BRCA2: variants seen among roughly 807,000 people sequenced by gnomAD.
BRCA2 encodes the protein breast cancer type 2 susceptibility protein.
BRCA2 carries 203 observed loss-of-function variants against 276.7 expected under a neutral mutation model. The ratio of observed to expected loss-of-function variants is 0.73; its 90% CI spans 0.65 to 0.82. The LOEUF (loss-of-function observed/expected upper bound fraction) is 0.82, where lower values mean the gene tolerates loss of function less well. BRCA2 is among the 40% of genes least tolerant of loss of function. The pLI, the probability that BRCA2 is intolerant of heterozygous loss-of-function variation, is 0.00. For missense variants in BRCA2, 3,920 were observed against 3,915.0 expected, an observed-to-expected ratio of 1.00 and a Z score of -0.03; for synonymous variants, 1,289 against 1,338.4, an observed-to-expected ratio of 0.96 and a Z score of 0.81.
Position 32,338,979 on chromosome 13 carries a change from G to A in BRCA2, c.4624G>A (p.Val1542Met), listed in dbSNP as rs28897729. ...AATTGCAAAGGAATCTTTGGACAAAGTGAAAAACCTTTTTGATGAAAAAGA... is the reference window on the plus strand; with the variant it reads ...AATTGCAAAGGAATCTTTGGACAAAATGAAAAACCTTTTTGATGAAAAAGA... ...VKIAKESLDK[V>M]KNLFDEKEQG... Residue 1542 changes from valine to methionine, a missense_variant, in exon 11 of 27, where the codon GTG (valine) becomes ATG (methionine). Val to Met is a conservative substitution (Grantham distance 21, BLOSUM62 1). This residue lies in a region of BRCA2 where 3,263 missense variants were observed against 3,156.9 expected (regional missense o/e 1.03). Transcript: ENST00000380152. The A allele has an allele frequency of 3.7e-6, 6 of 1,613,552 alleles. No homozygotes were observed. Among genetic ancestry groups the A allele is most frequent in the African/African-American group, 2.7e-5 (2 of 74,938 alleles).
At chr13:32,324,012 C>A (rs1042497582) in intron 3 of BRCA2, among the ~76,000 whole-genome samples, 3 of 152,190 alleles carry the variant, frequency 2.0e-5, no homozygotes, top group African/African-American at 2.4e-5. Flanking sequence ...TTACTGTCTG[C>A]AACTCACTTT....
In BRCA2 at chr13:32,340,037, C is replaced by T. The variant is rs41293497; in HGVS notation, c.5682C>T (p.Tyr1894=). 8.1e-6 allele frequency: 13 copies of T among 1,613,256 alleles called. No homozygotes were observed. The highest frequency in any genetic ancestry group is 6.6e-5 in the South Asian group (6 of 90,984). Residue 1894 remains tyrosine (Y), a synonymous_variant, in exon 11 of 27, where the codon TAC becomes TAT. Transcript: ENST00000380152. ...AAACGAAAATTATGGCAGGTTGTTA[C>T]GAGGCATTGGATGATTCAGAGGATA... is the stretch of plus-strand genomic sequence containing the variant. ...ICQTKIMAGC[Y]EALDDSEDIL... is the part of the protein sequence containing the mutation.
intron 13 of BRCA2, among the ~76,000 whole-genome samples, chr13:32,347,699 C>G (rs181513516): frequency 1.3e-5 from 2 of 152,244 alleles, no homozygotes; most frequent in East Asian, 3.9e-4. Flanking sequence ...ACACTTGGTT[C>G]CCAAATGCAG....
rs80358822 is a variant in BRCA2, at chr13:32,340,251, C to T, written c.5896C>T (p.His1966Tyr). The change falls in exon 11 of 27, where the codon CAT becomes TAT. Residue 1966 changes from histidine (H) to tyrosine (Y), a missense_variant. This residue lies in a region of BRCA2 where 3,263 missense variants were observed against 3,156.9 expected (regional missense o/e 1.03). Coordinates refer to ENST00000380152, the MANE Select transcript of BRCA2 (RefSeq NM_000059.4). ...ATGTAAATGTAGTATAGGGAAGCTT[C>T]ATAAGTCAGTCTCATCTGCAAATAC... The part of the protein sequence containing the change: ...DICKCSIGKL[H>Y]KSVSSANTCG... The T allele has an allele frequency of 4.6e-5, 74 of 1,613,906 alleles. No individual in the cohort carries two copies. The highest frequency in any genetic ancestry group is 6.1e-5 in the Non-Finnish European group (72 of 1,179,950).
At position 32,356,415 on chromosome 13, in the gene BRCA2, T is replaced by G. The variant is rs1593919404; in HGVS notation, c.7436-13T>G. The G allele has an allele frequency of 4.3e-6, 7 of 1,609,758 alleles. No homozygotes were observed. The highest frequency in any genetic ancestry group is 6.0e-6 in the Non-Finnish European group (7 of 1,176,036). On this transcript the variant is annotated splice_polypyrimidine_tract_variant and intron_variant, in intron 14 of 26. Coordinates refer to ENST00000380152, the MANE Select transcript of BRCA2 (RefSeq NM_000059.4). ...TTCAATTTTATTTTTGCTAAGTATT[T>G]ATTCTTTGATAGATTTAATTACAAG...
At chr13:32,393,432 G>A (rs1187187164) in intron 24 of BRCA2, among the ~76,000 whole-genome samples, 1 of 151,770 alleles carries the variant, frequency 6.6e-6, no homozygotes, top group African/African-American at 2.4e-5. Flanking sequence ...TATTCTGCAG[G>A]TTAAAATTTG....
chr13:32,332,777 C>A lies in BRCA2; in HGVS notation c.1299C>A (p.Asn433Lys), dbSNP rs548313038. ...ISEKDLLDTE[N>K]KRKKDFLTSE... ...AAAAAGACCTATTAGACACAGAGAA[C>A]AAAAGAAAGAAAGATTTTCTTACTT... Residue 433 changes from asparagine to lysine, a missense_variant, in exon 10 of 27, where the codon AAC becomes AAA. Around this residue, in one of 2 missense-constraint regions of BRCA2, gnomAD observed 3,263 missense variants for 3,156.9 expected, o/e 1.03. Transcript: ENST00000380152. The A allele has an allele frequency of 1.2e-6, 2 of 1,607,668 alleles. No individual in the cohort carries two copies. The highest frequency in any genetic ancestry group is 1.1e-5 in the South Asian group (1 of 89,448).
chr13:32,394,115 A>C (rs1593199281), intron 24 of BRCA2, among the ~76,000 whole-genome samples: 1 of 152,276 alleles, frequency 6.6e-6, no homozygotes, highest in East Asian at 1.9e-4. Flanking sequence ...AGTTCATAGA[A>C]ATCGTCCTCA....
chr13:32,363,217 TAA>T lies in BRCA2; in HGVS notation c.8020_8021del (p.Lys2674AspfsTer6), dbSNP rs397507952. ...ATTGATAGAAGCAGAAGATCGGCTA[TAA>T]AAAAGATAATGGAAAGGGATGACAC... On this transcript the variant is annotated frameshift_variant, in exon 18 of 27. Coordinates refer to ENST00000380152, the MANE Select transcript of BRCA2 (RefSeq NM_000059.4). LOFTEE classifies it high-confidence loss of function. 1 of 1,613,942 alleles carries T rather than the reference TAA, an allele frequency of 6.2e-7. No homozygotes were observed. Among genetic ancestry groups the T allele is most frequent in the Non-Finnish European group, 8.5e-7 (1 of 1,179,964 alleles).
At chr13:32,391,182 T>C (rs1438021000) in intron 24 of BRCA2, among the ~76,000 whole-genome samples, 2 of 152,132 alleles carry the variant, frequency 1.3e-5, no homozygotes, top group South Asian at 2.1e-4. Context: ...CGAGAACCTT[T>C]CTTAGGTTGG....
chr13:32,373,178 G>A (rs1320454674), intron 20 of BRCA2, among the ~76,000 whole-genome samples: 1 of 151,788 alleles, frequency 6.6e-6, no homozygotes, highest in East Asian at 2.0e-4. Flanking sequence ...TTTTAGTAGA[G>A]ATGGGGTTTC....
intron 7 of BRCA2, among the ~76,000 whole-genome samples, 156 bp downstream of exon 7, chr13:32,326,769 G>A (rs1339237659): frequency 6.6e-6 from 1 of 152,236 alleles, no homozygotes; most frequent in African/African-American, 2.4e-5. Flanking sequence ...TCTATTAAGT[G>A]TAGATTGGAA....
rs11571833 is a variant in BRCA2, at chr13:32,398,489, A to T, written c.9976A>T (p.Lys3326Ter). 7.9e-3 allele frequency: 12,777 copies of T among 1,614,156 alleles called. 72 individuals are homozygous for T. The highest frequency in any genetic ancestry group is 9.0e-3 in the Non-Finnish European group (10,600 of 1,180,014). Residue 3326 changes from lysine (K) to a stop codon, truncating the protein, a stop_gained, in exon 27 of 27, where the codon AAA becomes TAA. Transcript: ENST00000380152. LOFTEE classifies it low-confidence loss of function (END_TRUNC). ...GAATTCTCCTCAGATGACTCCATTT[A>T]AAAAATTCAATGAAATTTCTCTTTT... The part of the protein sequence containing the change: ...ELNSPQMTPF[K>*]KFNEISLLES...
chr13:32,380,534 C>CT (rs11451886), intron 24 of BRCA2, among the ~76,000 whole-genome samples: 44,254 of 101,710 alleles, frequency 0.44, 10,758 homozygotes, highest in Non-Finnish European at 0.47. Context: ...CAGAGTCAAG[C>CT]TTTTTTTTTT....
At chr13:32,344,426 A>T in intron 11 of BRCA2, 132 bp from the exon 12 acceptor site, 1 of 606,010 alleles carries the variant, frequency 1.7e-6, no homozygotes, top group Non-Finnish European at 2.9e-6. Context: ...TTAGGTCACT[A>T]TTTGTTGTAA....
intron 13 of BRCA2, among the ~76,000 whole-genome samples, chr13:32,351,798 T>A (rs578076234): frequency 6.6e-6 from 1 of 151,996 alleles, no homozygotes; most frequent in Admixed American, 6.6e-5. Context: ...TATTTTATTT[T>A]ATTTATTTAT....
chr13:32,327,784 A>G (rs2072360804), intron 7 of BRCA2, among the ~76,000 whole-genome samples: 1 of 146,200 alleles, frequency 6.8e-6, no homozygotes, highest in Non-Finnish European at 1.5e-5. Context: ...TTTTTTTTTA[A>G]TTGAGACAAG....
chr13:32,394,294 T>C (rs1490488316), intron 24 of BRCA2, among the ~76,000 whole-genome samples: 1 of 152,204 alleles, frequency 6.6e-6, no homozygotes, highest in Non-Finnish European at 1.5e-5. Flanking sequence ...TTCATGTGTA[T>C]TTTACTATTA....
At chr13:32,331,686 A>G (rs2072392672) in intron 9 of BRCA2, among the ~76,000 whole-genome samples, 2 of 152,206 alleles carry the variant, frequency 1.3e-5, no homozygotes, top group African/African-American at 2.4e-5. Context: ...CAGAGACAAT[A>G]AGATATATAA....
Sources: allele counts gnomAD v4.1 joint callset (sites outside exome capture counted in the v4.1 genomes callset), GRCh38; gene constraint gnomAD v4.1.1; regional missense constraint gnomAD v4.1.1; transcripts MANE v1.5; gene names NCBI Gene and HGNC (gene_info 2026-07-23, HGNC 2026-07-21).